The following FGF16 variants were observed in gnomAD, a reference collection of about 807,000 sequenced individuals.
FGF16 encodes the protein fibroblast growth factor 16, also known as metacarpal 4-5 fusion.
Under a neutral mutation model 8.5 loss-of-function variants are expected in FGF16, and 2 were observed. The observed-to-expected ratio is 0.24, with a 90% CI of 0.10 to 0.75. The LOEUF (loss-of-function observed/expected upper bound fraction) is 0.75. Among genes scored for constraint, FGF16 ranks in the 30% least tolerant of loss-of-function variants. The pLI is 0.74. For missense variants in FGF16, 79 were observed against 87.4 expected (o/e 0.90, Z 0.38); for synonymous variants, 33 against 34.6 (o/e 0.95, Z 0.16).
chrX:77,451,231 T>A (rs2062556317), intron 1 of FGF16, among the ~76,000 whole-genome samples: 1 of 111,904 alleles, frequency 8.9e-6, no homozygotes, highest in Non-Finnish European at 1.9e-5. Flanking sequence ...AGAAAAACTG[T>A]GGTGACTCAA....
At chrX:77,450,292 A>C (rs1383384475) in intron 1 of FGF16, among the ~76,000 whole-genome samples, 2 of 112,197 alleles carry the variant, frequency 1.8e-5, no homozygotes, top group African/African-American at 6.5e-5. Context: ...GCCCCCAAGG[A>C]TTACCCTGGA....
intron 1 of FGF16, among the ~76,000 whole-genome samples, chrX:77,449,795 G>T (rs1198928409): frequency 1.8e-5 from 2 of 111,010 alleles, no homozygotes; most frequent in East Asian, 5.6e-4. Flanking sequence ...AATAAGATTG[G>T]CAGGAGGAAG....
At chrX:77,448,843 T>C (rs2062548748) in intron 1 of FGF16, among the ~76,000 whole-genome samples, 1 of 111,969 alleles carries the variant, frequency 8.9e-6, no homozygotes, top group Non-Finnish European at 1.9e-5. Flanking sequence ...TTTGCCATTT[T>C]TATTTTCAAT....
In FGF16 at chrX:77,454,272, G is replaced by GTTTTTTTT. The variant is rs782034788; in HGVS notation, c.378+35_378+42dup. 3.0e-4 allele frequency: 46 copies of GTTTTTTTT among 151,431 alleles called. No individual in the cohort carries two copies. The highest frequency in any genetic ancestry group is 5.2e-4 in the African/African-American group (6 of 11,479). The allele number at this position is 151,431 out of a possible 1,213,427, so 12.5% of individuals were successfully genotyped here. A position where few individuals can be genotyped will look rare whatever the true frequency, so the allele number is the denominator to read the frequency against. ...AACTCTATGGGTCGGTAAGTTTAAG[G>GTTTTTTTT]TTTTTTTTTTTTTTTTTTTTTTTTT... On this transcript the variant is annotated intron_variant, in intron 2 of 2. Transcript: ENST00000439435.
At chrX:77,449,225 C>T (rs1210689202) in intron 1 of FGF16, among the ~76,000 whole-genome samples, 1 of 111,417 alleles carries the variant, frequency 9.0e-6, no homozygotes, top group Non-Finnish European at 1.9e-5. Flanking sequence ...AGGCAGAAAC[C>T]CTAATGAGGT....
chrX:77,454,153 C>T lies in FGF16; in HGVS notation c.275-4C>T, dbSNP rs1557026857. 1 of 1,172,858 alleles carries T rather than the reference C, an allele frequency of 8.5e-7. No individual in the cohort carries two copies. The highest frequency in any genetic ancestry group is 1.8e-5 in the South Asian group (1 of 54,913). On this transcript the variant is annotated splice_region_variant and splice_polypyrimidine_tract_variant and intron_variant, in intron 1 of 2. Transcript: ENST00000439435. Reference sequence around the variant, plus strand: ...ATGGGAATAGTGTTCACTTTTTGCCCTAGGAATCCTGGAGTTTATCAGCCT... The same window carrying T: ...ATGGGAATAGTGTTCACTTTTTGCCTTAGGAATCCTGGAGTTTATCAGCCT...
chrX:77,453,235 C>G (rs2062562490), intron 1 of FGF16, among the ~76,000 whole-genome samples: 1 of 111,838 alleles, frequency 8.9e-6, no homozygotes. Flanking sequence ...ATCTAGTTGA[C>G]TATTATGTCT....
In FGF16 at chrX:77,447,454, A is replaced by G. The variant is rs1208626320; in HGVS notation, c.-221A>G. 4 of 270,398 alleles carry G rather than the reference A, an allele frequency of 1.5e-5. No individual in the cohort carries two copies. In the East Asian group the frequency reaches 2.2e-4, roughly 15 times the overall value. 22.3% of individuals were successfully genotyped at this position (270,398 alleles called of 1,213,427 possible). ...GAGGGGAAGAGGCACTTTGACTGAGAGCAAGGTCAGGAGCACGCTGCCCCG... is the reference window on the plus strand; with the variant it reads ...GAGGGGAAGAGGCACTTTGACTGAGGGCAAGGTCAGGAGCACGCTGCCCCG... On this transcript the variant is annotated 5_prime_UTR_variant, in exon 1 of 3. Transcript: ENST00000439435.
At position 77,447,530 on chromosome X, in the gene FGF16, G is replaced by C; in HGVS notation, c.-145G>C. ...TGGACGCGAACAGACGTCGACTGCA[G>C]CTCGGCAGAGCGCGGAGCAAGCGAG... On this transcript the variant is annotated 5_prime_UTR_variant, in exon 1 of 3. Coordinates refer to ENST00000439435, the MANE Select transcript of FGF16 (RefSeq NM_003868.3). The C allele has an allele frequency of 3.5e-6, 1 of 284,297 alleles. No homozygotes were observed. Among genetic ancestry groups the C allele is most frequent in the East Asian group, 5.1e-5 (1 of 19,753 alleles). The allele number at this position is 284,297 out of a possible 1,213,427, so 23.4% of individuals were successfully genotyped here.
chrX:77,451,842 T>C (rs1557026702), intron 1 of FGF16, among the ~76,000 whole-genome samples: 1 of 112,332 alleles, frequency 8.9e-6, no homozygotes, highest in African/African-American at 3.2e-5. Flanking sequence ...ATTGCAGAGA[T>C]GGGTAGACTT....
At position 77,447,797 on chromosome X, in the gene FGF16, C is replaced by A. The variant is rs2062545681; in HGVS notation, c.123C>A (p.Ile41=). Residue 41 remains isoleucine (I), a synonymous_variant, in exon 1 of 3, where the codon ATC becomes ATA. Transcript: ENST00000439435. ...PGFLNERLGQ[I]EGKLQRGSPT... is the part of the protein sequence containing the mutation. ...TCCTGAACGAGCGCCTGGGCCAAAT[C>A]GAGGGGAAGCTGCAGCGTGGCTCAC... The A allele has an allele frequency of 3.4e-6, 1 of 298,211 alleles. No individual in the cohort carries two copies. Among genetic ancestry groups the A allele is most frequent in the South Asian group, 2.0e-4 (1 of 5,103 alleles). 24.6% of individuals were successfully genotyped at this position (298,211 alleles called of 1,213,427 possible). A position where few individuals can be genotyped will look rare whatever the true frequency, so the allele number is the denominator to read the frequency against.
chrX:77,447,734 G>A lies in FGF16; in HGVS notation c.60G>A (p.Ser20=), dbSNP rs1427849455. ...ACTGGGATCTACACGGCTTCTCCTC[G>A]TCTCTGGGGAACGTGCCCTTAGCTG... ...SLDWDLHGFS[S]SLGNVPLADS... is the part of the protein sequence containing the mutation. Residue 20 remains serine, a synonymous_variant, in exon 1 of 3, where the codon TCG becomes TCA. Transcript: ENST00000439435. The A allele has an allele frequency of 3.4e-6, 1 of 296,787 alleles. No homozygotes were observed. Among genetic ancestry groups the A allele is most frequent in the Non-Finnish European group, 5.9e-6 (1 of 170,152 alleles). The allele number at this position is 296,787 out of a possible 1,213,427, so 24.5% of individuals were successfully genotyped here. A position where few individuals can be genotyped will look rare whatever the true frequency, so the allele number is the denominator to read the frequency against.
At chrX:77,454,694 T>G (rs1301864124) in intron 2 of FGF16, among the ~76,000 whole-genome samples, 1 of 106,013 alleles carries the variant, frequency 9.4e-6, no homozygotes, top group East Asian at 3.0e-4. Context: ...AAAGCCCTTT[T>G]TTAGCTGTAA....
chrX:77,456,631 C>A lies in FGF16; in HGVS notation c.*109C>A. The A allele has an allele frequency of 2.7e-6, 2 of 752,079 alleles. No individual in the cohort carries two copies. Among genetic ancestry groups the A allele is most frequent in the Non-Finnish European group, 2.0e-6 (1 of 511,363 alleles). 62.0% of individuals were successfully genotyped at this position (752,079 alleles called of 1,213,427 possible). ...CCTTCCTTCCTATCATTTTAGATAACAGAAAAGCACTTACTGTTGAACTCA... is the reference window on the plus strand; with the variant it reads ...CCTTCCTTCCTATCATTTTAGATAAAAGAAAAGCACTTACTGTTGAACTCA... On this transcript the variant is annotated 3_prime_UTR_variant, in exon 3 of 3. Coordinates refer to ENST00000439435, the MANE Select transcript of FGF16 (RefSeq NM_003868.3).
chrX:77,455,687 T>C, intron 2 of FGF16, among the ~76,000 whole-genome samples: 1 of 111,375 alleles, frequency 9.0e-6, no homozygotes, highest in East Asian at 2.8e-4. Context: ...CAGCAAGTAG[T>C]ATGGCGGTTG....
intron 1 of FGF16, among the ~76,000 whole-genome samples, chrX:77,452,026 T>A (rs1557026719): frequency 8.9e-6 from 1 of 112,272 alleles, no homozygotes; most frequent in Non-Finnish European, 1.9e-5. Flanking sequence ...TAGGACATGA[T>A]CTAAGCAGTA....
At chrX:77,448,010 C>T (rs2062546080) in intron 1 of FGF16, 62 bp downstream of exon 1, 2 of 296,126 alleles carry the variant, frequency 6.8e-6, no homozygotes, top group African/African-American at 2.7e-5. Flanking sequence ...CCCACAGCTC[C>T]GGGCTCAGGC....
At chrX:77,455,396 CA>C (rs2062569303) in intron 2 of FGF16, among the ~76,000 whole-genome samples, 1 of 111,995 alleles carries the variant, frequency 8.9e-6, no homozygotes, top group African/African-American at 3.2e-5. Flanking sequence ...ATGAAACAAA[CA>C]AATGAAGAAT....
At chrX:77,452,921 T>G (rs1408124356) in intron 1 of FGF16, among the ~76,000 whole-genome samples, 3 of 109,414 alleles carry the variant, frequency 2.7e-5, no homozygotes, top group African/African-American at 1.0e-4. Flanking sequence ...CTAGAAAAAA[T>G]AAAAAATTAG....
Sources: allele counts gnomAD v4.1 joint callset (sites outside exome capture counted in the v4.1 genomes callset), GRCh38; gene constraint gnomAD v4.1.1; transcripts MANE v1.5; gene names NCBI Gene and HGNC (gene_info 2026-07-23, HGNC 2026-07-21).